ADTRP: variants seen among roughly 807,000 people sequenced by gnomAD.
ADTRP encodes the protein androgen-dependent TFPI-regulating protein.
Under a neutral mutation model 27.0 loss-of-function variants are expected in ADTRP, and 20 were observed. The observed-to-expected ratio is 0.74, with a 90% CI of 0.52 to 1.08. The LOEUF (loss-of-function observed/expected upper bound fraction) is 1.08. Among genes scored for constraint, ADTRP ranks in the 50% least tolerant of loss-of-function variants. ADTRP has a pLI of 0.00. For missense variants in ADTRP, 251 were observed against 275.0 expected (o/e 0.91, Z 0.62); for synonymous variants, 101 against 105.2 (o/e 0.96, Z 0.25).
At chr6:11,720,480 C>CTT (rs58712593) in intron 5 of ADTRP, among the ~76,000 whole-genome samples, 1 of 148,428 alleles carries the variant, frequency 6.7e-6, no homozygotes, top group South Asian at 2.1e-4. Flanking sequence ...ATACCCTTTT[C>CTT]TTTTTTTTTG....
intron 3 of ADTRP, among the ~76,000 whole-genome samples, chr6:11,743,908 T>C (rs1467417186): frequency 1.3e-5 from 2 of 152,136 alleles, no homozygotes; most frequent in Admixed American, 6.5e-5. Flanking sequence ...ACCTTAAGGA[T>C]TTCTCACAGC....
intron 2 of ADTRP, chr6:11,767,547 T>C (rs998156078): frequency 4.6e-5 from 7 of 152,266 alleles, no homozygotes; most frequent in African/African-American, 1.7e-4. Context: ...TTTCTAATTA[T>C]AGGCCCTGCT....
At chr6:11,731,685 TG>T (rs1249419609) in intron 4 of ADTRP, among the ~76,000 whole-genome samples, 2 of 152,168 alleles carry the variant, frequency 1.3e-5, no homozygotes, top group African/African-American at 4.8e-5. Flanking sequence ...TCAGATCCAA[TG>T]CATGCCTTCC....
At chr6:11,760,575 C>A (rs1763363277) in intron 3 of ADTRP, among the ~76,000 whole-genome samples, 1 of 152,114 alleles carries the variant, frequency 6.6e-6, no homozygotes, top group Non-Finnish European at 1.5e-5. Context: ...CCATAACTAC[C>A]CCCTAGGTGA....
intron 5 of ADTRP, among the ~76,000 whole-genome samples, chr6:11,722,087 CAA>C (rs1168211890): frequency 1.3e-5 from 2 of 151,384 alleles, no homozygotes; most frequent in African/African-American, 4.9e-5. Flanking sequence ...TTCAAGGAGC[CAA>C]AACTAGTTAG....
At chr6:11,753,841 G>T (rs887656363) in intron 3 of ADTRP, among the ~76,000 whole-genome samples, 1 of 152,162 alleles carries the variant, frequency 6.6e-6, no homozygotes, top group African/African-American at 2.4e-5. Context: ...ACCAGCATTT[G>T]CAAGCAATGG....
intron 5 of ADTRP, 98 bp from the exon 6 acceptor site, chr6:11,714,610 A>G (rs1761753324): frequency 4.4e-6 from 6 of 1,366,062 alleles, no homozygotes; most frequent in Middle Eastern, 1.8e-4. Flanking sequence ...GGGGCAGTGG[A>G]AAGTTGAACA....
intron 4 of ADTRP, among the ~76,000 whole-genome samples, chr6:11,729,136 T>C (rs1047594249): frequency 6.6e-6 from 1 of 152,170 alleles, no homozygotes; most frequent in African/African-American, 2.4e-5. Context: ...CGTCTGTGGG[T>C]GGCAGATAAA....
intron 1 of ADTRP, among the ~76,000 whole-genome samples, chr6:11,770,880 C>T (rs998950049): frequency 5.9e-5 from 9 of 152,186 alleles, no homozygotes; most frequent in African/African-American, 1.9e-4. Context: ...AGAGCAGGCA[C>T]AGGCTTGGGC....
chr6:11,746,980 C>T (rs1346393122), intron 3 of ADTRP, among the ~76,000 whole-genome samples: 1 of 152,240 alleles, frequency 6.6e-6, no homozygotes, highest in Admixed American at 6.5e-5. Flanking sequence ...TCCACAACCC[C>T]GAGGTTGGCT....
intron 3 of ADTRP, among the ~76,000 whole-genome samples, chr6:11,749,628 T>C (rs1364120987): frequency 6.6e-6 from 1 of 151,902 alleles, no homozygotes; most frequent in Non-Finnish European, 1.5e-5. Flanking sequence ...GAGTGTGGCA[T>C]CAAAGGGTTA....
chr6:11,720,714 T>C (rs1761998434), intron 5 of ADTRP, among the ~76,000 whole-genome samples: 2 of 152,126 alleles, frequency 1.3e-5, no homozygotes, highest in Non-Finnish European at 2.9e-5. Context: ...GCTTTCTTGA[T>C]TCCTATTCCA....
intron 3 of ADTRP, among the ~76,000 whole-genome samples, chr6:11,738,151 G>T (rs922200753): frequency 6.6e-6 from 1 of 152,218 alleles, no homozygotes; most frequent in East Asian, 1.9e-4. Flanking sequence ...ACTATTATCA[G>T]TGTGACTGTT....
rs1241731500 is a variant in ADTRP at position 11,713,590 on chromosome 6, C to A, written c.*888G>T. The A allele has an allele frequency of 6.6e-6, 1 of 152,248 alleles. No homozygotes were observed. The highest frequency in any genetic ancestry group is 2.4e-5 in the African/African-American group (1 of 41,470). 9.4% of individuals were successfully genotyped at this position (152,248 alleles called of 1,614,324 possible). On this transcript the variant is annotated 3_prime_UTR_variant, in exon 6 of 6. Transcript: ENST00000414691. ...AGCTTTGTTAAACCACACACTAATTCAGAAAAGTGCTTTGTAGCAAAGCAA... is the reference window on the plus strand; with the variant it reads ...AGCTTTGTTAAACCACACACTAATTAAGAAAAGTGCTTTGTAGCAAAGCAA...
chr6:11,761,019 C>T (rs942020572), intron 3 of ADTRP, among the ~76,000 whole-genome samples: 3 of 152,180 alleles, frequency 2.0e-5, no homozygotes, highest in African/African-American at 7.2e-5. Flanking sequence ...CTTATCTCCT[C>T]CCTCCTCAAT....
intron 3 of ADTRP, chr6:11,754,944 T>C (rs1763166288): frequency 4.9e-6 from 4 of 810,102 alleles, no homozygotes; most frequent in Admixed American, 6.2e-5. Context: ...CTTGAGATCA[T>C]GGGAGTTTGG....
At chr6:11,766,483 G>T (rs1333303514) in intron 2 of ADTRP, 108 bp from the exon 3 acceptor site, 5 of 727,508 alleles carry the variant, frequency 6.9e-6, no homozygotes, top group Non-Finnish European at 1.1e-5. Context: ...CCATTTTAAA[G>T]ATATCTTACA....
intron 3 of ADTRP, among the ~76,000 whole-genome samples, chr6:11,764,959 T>C (rs962110664): frequency 2.7e-5 from 4 of 147,032 alleles, no homozygotes; most frequent in Non-Finnish European, 4.5e-5. Flanking sequence ...TTAACATTCA[T>C]GGGAAACTGG....
At chr6:11,714,824 C>G (rs143222846) in intron 5 of ADTRP, among the ~76,000 whole-genome samples, 52 of 152,320 alleles carry the variant, frequency 3.4e-4, no homozygotes, top group African/African-American at 1.1e-3. Context: ...TGTCTGCAGG[C>G]TACACACAAT....
Sources: allele counts gnomAD v4.1 joint callset (sites outside exome capture counted in the v4.1 genomes callset), GRCh38; gene constraint gnomAD v4.1.1; transcripts MANE v1.5; gene names NCBI Gene and HGNC (gene_info 2026-07-23, HGNC 2026-07-21).